SLIT3: variants seen among roughly 807,000 people sequenced by gnomAD.
The protein encoded by SLIT3 is slit guidance ligand 3, also known as slit homolog 3 protein.
Under a neutral mutation model 184.0 loss-of-function variants are expected in SLIT3, and 68 were observed. The observed-to-expected ratio is 0.37, with a 90% CI of 0.30 to 0.45. The LOEUF (loss-of-function observed/expected upper bound fraction) is 0.45, where lower values mean the gene tolerates loss of function less well. SLIT3 is among the 20% of genes least tolerant of loss of function. The probability of loss-of-function intolerance (pLI) is 1.00; values close to 1 mark genes in which losing one functional copy is unlikely to be tolerated. For missense variants in SLIT3, 1,707 were observed against 2,026.0 expected, an observed-to-expected ratio of 0.84 and a Z score of 3.02; for synonymous variants, 831 against 828.6, an observed-to-expected ratio of 1.00 and a Z score of -0.05.
intron 4 of SLIT3, among the ~76,000 whole-genome samples, chr5:168,898,529 C>T (rs1258835683): frequency 2.0e-5 from 3 of 151,872 alleles, no homozygotes; most frequent in Admixed American, 1.3e-4. Context: ...AATCATTCAA[C>T]GAATGAGATT....
At chr5:169,007,112 T>C (rs945739214) in intron 4 of SLIT3, among the ~76,000 whole-genome samples, 1 of 152,160 alleles carries the variant, frequency 6.6e-6, no homozygotes, top group African/African-American at 2.4e-5. Context: ...CAAAAGCTGA[T>C]GGTTTTATAG....
intron 4 of SLIT3, among the ~76,000 whole-genome samples, chr5:169,050,906 G>A (rs144069921): frequency 3.0e-4 from 46 of 152,276 alleles, no homozygotes; most frequent in African/African-American, 9.1e-4. Flanking sequence ...TTTATGTTTC[G>A]CATTTAGATT....
intron 4 of SLIT3, among the ~76,000 whole-genome samples, chr5:169,028,986 A>T (rs1756931031): frequency 6.6e-6 from 1 of 152,192 alleles, no homozygotes; most frequent in Non-Finnish European, 1.5e-5. Flanking sequence ...GAGGTGTGTG[A>T]TGGCTGTGGA....
At chr5:169,097,396 G>A (rs1477227088) in intron 4 of SLIT3, among the ~76,000 whole-genome samples, 2 of 152,036 alleles carry the variant, frequency 1.3e-5, no homozygotes, top group Middle Eastern at 3.2e-3. Flanking sequence ...GGAAATGGGA[G>A]AGGAAGGAAG....
intron 5 of SLIT3, among the ~76,000 whole-genome samples, chr5:168,858,720 C>T (rs1223080984): frequency 2.6e-5 from 4 of 152,218 alleles, no homozygotes. Context: ...TCCTTAAGCT[C>T]CCTCATTCTG....
intron 8 of SLIT3, 21 bp downstream of exon 8, chr5:168,817,279 G>A (rs553293089): frequency 1.8e-5 from 29 of 1,612,716 alleles, no homozygotes; most frequent in Middle Eastern, 3.3e-4. Flanking sequence ...CAGGAGGGGA[G>A]AGCAGGTAAA....
chr5:168,818,175 A>G (rs1757401772), intron 7 of SLIT3, among the ~76,000 whole-genome samples: 1 of 151,994 alleles, frequency 6.6e-6, no homozygotes, highest in South Asian at 2.1e-4. Flanking sequence ...CCTGTGTTCA[A>G]TTCTGTCTGG....
chr5:169,263,198 C>G (rs1241760947), intron 1 of SLIT3, among the ~76,000 whole-genome samples: 1 of 152,102 alleles, frequency 6.6e-6, no homozygotes, highest in African/African-American at 2.4e-5. Context: ...GAAAACCAGC[C>G]AGGCATGGTG....
chr5:168,674,970 G>A (rs940460721), intron 32 of SLIT3, among the ~76,000 whole-genome samples: 2 of 152,146 alleles, frequency 1.3e-5, no homozygotes, highest in African/African-American at 4.8e-5. Flanking sequence ...TGAAGACACC[G>A]AGGCCCAGAG....
intron 5 of SLIT3, among the ~76,000 whole-genome samples, chr5:168,845,797 T>C (rs186896463): frequency 5.3e-5 from 8 of 152,324 alleles, no homozygotes; most frequent in Non-Finnish European, 1.0e-4. Context: ...CACCAGATTG[T>C]TGTACTCGGT....
At chr5:169,260,009 A>T (rs887874722) in intron 1 of SLIT3, among the ~76,000 whole-genome samples, 15 of 152,150 alleles carry the variant, frequency 9.9e-5, no homozygotes, top group African/African-American at 3.6e-4. Context: ...AAACCTTTCA[A>T]TGTGTGACGC....
At chr5:169,233,881 G>A (rs1017564382) in intron 3 of SLIT3, among the ~76,000 whole-genome samples, 1 of 151,962 alleles carries the variant, frequency 6.6e-6, no homozygotes, top group African/African-American at 2.4e-5. Flanking sequence ...TTTAATAGAA[G>A]CTATGACGGC....
At chr5:169,087,725 TAAAG>T (rs1279552142) in intron 4 of SLIT3, among the ~76,000 whole-genome samples, 2 of 152,196 alleles carry the variant, frequency 1.3e-5, no homozygotes, top group East Asian at 3.9e-4. Flanking sequence ...TTACAACCAA[TAAAG>T]AAAAAACATT....
chr5:169,264,012 ATC>A (rs1766304411), intron 1 of SLIT3, among the ~76,000 whole-genome samples: 1 of 151,114 alleles, frequency 6.6e-6, no homozygotes, highest in African/African-American at 2.4e-5. Flanking sequence ...TATCAGTATT[ATC>A]AATGTTTTCT....
chr5:168,772,938 T>C lies in SLIT3; in HGVS notation c.1302A>G (p.Leu434=). Residue 434 remains leucine (L), a synonymous_variant, in exon 14 of 36, where the codon TTA becomes TTG. Transcript: ENST00000519560. The part of the protein sequence containing the change: ...APLQSIQTLH[L]AQNPFVCDCH... ...AGTCGCACACAAATGGGTTTTGGGCTAAGTGGCTGCGAGAGGGATGGGGCC... is the reference window on the plus strand; with the variant it reads ...AGTCGCACACAAATGGGTTTTGGGCCAAGTGGCTGCGAGAGGGATGGGGCC... The C allele has an allele frequency of 1.2e-6, 2 of 1,600,420 alleles. No homozygotes were observed. Among genetic ancestry groups the C allele is most frequent in the Non-Finnish European group, 1.7e-6 (2 of 1,172,068 alleles).
At position 168,806,548 on chromosome 5, in the gene SLIT3, A is replaced by G. The variant is rs1756968113; in HGVS notation, c.833T>C (p.Ile278Thr). The G allele has an allele frequency of 6.2e-7, 1 of 1,614,136 alleles. No homozygotes were observed. The highest frequency in any genetic ancestry group is 8.5e-7 in the Non-Finnish European group (1 of 1,179,990). Reference protein sequence around the residue: ...SEPPSCNANSISCPSPCTCSN... With the variant: ...SEPPSCNANSTSCPSPCTCSN... ...GCACGTGCAGGGCGAAGGGCAGGAGATGGAGTTGGCATTGCAGGATGGGGG... is the reference window on the plus strand; with the variant it reads ...GCACGTGCAGGGCGAAGGGCAGGAGGTGGAGTTGGCATTGCAGGATGGGGG... The change falls in exon 9 of 36, where the codon ATC becomes ACC. Residue 278 changes from isoleucine (I) to threonine (T), a missense_variant. Physicochemically the swap from Ile to Thr is moderately conservative, Grantham distance 89 (BLOSUM62 -1). Coordinates refer to ENST00000519560, the MANE Select transcript of SLIT3 (RefSeq NM_003062.4).
At chr5:169,132,396 G>T (rs1761336054) in intron 4 of SLIT3, among the ~76,000 whole-genome samples, 1 of 152,124 alleles carries the variant, frequency 6.6e-6, no homozygotes, top group Non-Finnish European at 1.5e-5. Flanking sequence ...GGGTTGAGGT[G>T]CCAGTTAGAC....
chr5:169,196,570 G>T (rs1263254345), intron 3 of SLIT3, among the ~76,000 whole-genome samples: 4 of 152,180 alleles, frequency 2.6e-5, no homozygotes, highest in Non-Finnish European at 5.9e-5. Context: ...CTCATGGTAG[G>T]TGTCATTATT....
At chr5:169,099,615 A>C (rs750474075) in intron 4 of SLIT3, among the ~76,000 whole-genome samples, 20 of 152,216 alleles carry the variant, frequency 1.3e-4, no homozygotes, top group Non-Finnish European at 2.8e-4. Context: ...GTAAGTAGTC[A>C]CACAGCTATT....
Sources: gnomAD v4.1 joint callset for allele counts (sites outside exome capture counted in the v4.1 genomes callset) on GRCh38, gnomAD v4.1.1 for gene constraint, MANE v1.5 for transcripts, NCBI Gene and HGNC (gene_info 2026-07-23, HGNC 2026-07-21) for gene names.